The following AGBL4 variants were observed in gnomAD, a reference collection of about 807,000 sequenced individuals.
AGBL4 encodes AGBL carboxypeptidase 4.
Under a neutral mutation model 66.4 loss-of-function variants are expected in AGBL4, and 58 were observed. That is an observed-to-expected ratio of 0.87 (90% CI 0.71 to 1.09). The LOEUF is 1.09. AGBL4 is among the 50% of genes least tolerant of loss of function. The probability of loss-of-function intolerance (pLI) is 0.00; values close to 1 mark genes in which losing one functional copy is unlikely to be tolerated. For synonymous variants in AGBL4, 234 were observed against 222.9 expected (o/e 1.05, Z -0.44); for missense variants, 579 against 631.0 (o/e 0.92, Z 0.88).
At chr1:49,139,710 G>A (rs1375924990) in intron 4 of AGBL4, among the ~76,000 whole-genome samples, 1 of 152,104 alleles carries the variant, frequency 6.6e-6, no homozygotes. Context: ...CAATAATACT[G>A]TTCGTCCTAT....
chr1:49,123,502 G>A (rs768658298), intron 4 of AGBL4, among the ~76,000 whole-genome samples: 2 of 152,162 alleles, frequency 1.3e-5, no homozygotes, highest in Non-Finnish European at 2.9e-5. Context: ...ATCAAGCCAA[G>A]TTTCAAGAGA....
intron 6 of AGBL4, among the ~76,000 whole-genome samples, chr1:48,803,361 T>C (rs1645851437): frequency 6.6e-6 from 1 of 152,204 alleles, no homozygotes; most frequent in South Asian, 2.1e-4. Context: ...AGCTCAAGCT[T>C]ACACCAATCT....
chr1:49,627,875 C>T (rs1558114426), intron 3 of AGBL4, among the ~76,000 whole-genome samples: 1 of 152,124 alleles, frequency 6.6e-6, no homozygotes, highest in Non-Finnish European at 1.5e-5. Flanking sequence ...TACTTATGAC[C>T]TCTGATCCAC....
At chr1:49,389,681 T>C (rs1011017795) in intron 3 of AGBL4, among the ~76,000 whole-genome samples, 16 of 152,066 alleles carry the variant, frequency 1.1e-4, no homozygotes, top group Admixed American at 1.0e-3. Context: ...ACTTCTTGAA[T>C]TGAGAGGAAA....
intron 4 of AGBL4, among the ~76,000 whole-genome samples, chr1:49,194,799 A>T (rs867880238): frequency 6.6e-6 from 1 of 151,494 alleles, no homozygotes; most frequent in South Asian, 2.1e-4. Flanking sequence ...TTTGTAAAGG[A>T]GTATGATCTT....
At chr1:49,398,233 C>T (rs1387570054) in intron 3 of AGBL4, among the ~76,000 whole-genome samples, 1 of 152,092 alleles carries the variant, frequency 6.6e-6, no homozygotes, top group East Asian at 1.9e-4. Flanking sequence ...AGATGTTCTG[C>T]CCTCAGCAAT....
At chr1:49,181,108 T>C (rs1240855598) in intron 4 of AGBL4, among the ~76,000 whole-genome samples, 3 of 152,102 alleles carry the variant, frequency 2.0e-5, no homozygotes, top group African/African-American at 7.2e-5. Flanking sequence ...AGGACATATT[T>C]AGGCTGAGAT....
intron 3 of AGBL4, among the ~76,000 whole-genome samples, chr1:49,647,038 G>A (rs1645903357): frequency 6.7e-6 from 1 of 150,218 alleles, no homozygotes; most frequent in African/African-American, 2.4e-5. Flanking sequence ...ACTCAAAATA[G>A]AACATATACC....
At chr1:49,352,805 G>T (rs562359797) in intron 3 of AGBL4, among the ~76,000 whole-genome samples, 18 of 152,214 alleles carry the variant, frequency 1.2e-4, no homozygotes, top group African/African-American at 3.1e-4. Flanking sequence ...TTATCAATAG[G>T]ACCCATAATA....
At chr1:48,955,287 T>A (rs1183479168) in intron 5 of AGBL4, among the ~76,000 whole-genome samples, 1 of 152,194 alleles carries the variant, frequency 6.6e-6, no homozygotes, top group Non-Finnish European at 1.5e-5. Context: ...TGATAAGTGG[T>A]CACCCTTATG....
chr1:48,733,037 TA>T (rs1233113789), intron 6 of AGBL4, among the ~76,000 whole-genome samples: 1 of 152,082 alleles, frequency 6.6e-6, no homozygotes, highest in African/African-American at 2.4e-5. Flanking sequence ...GAAAACACAT[TA>T]AGCAGAAGGC....
At position 49,714,593 on chromosome 1, in the gene AGBL4, T is replaced by TATATATAC. The variant is rs1491300456; in HGVS notation, c.158-17157_158-17156insGTATATAT. Among the ~76,000 whole-genome samples the TATATATAC allele has an allele frequency of 1.9e-3, 219 of 113,984 alleles. 2 individuals are homozygous for TATATATAC. Among genetic ancestry groups the TATATATAC allele is most frequent in the African/African-American group, 6.5e-3 (207 of 31,704 alleles). The allele number at this position is 113,984 out of a possible 152,430, so 74.8% of individuals were successfully genotyped here. A position where few individuals can be genotyped will look rare whatever the true frequency, so the allele number is the denominator to read the frequency against. ...ACATATATATATATATATATATATA[T>TATATATAC]ACACACACACACATATATATATATC... On this transcript the variant is annotated intron_variant, in intron 2 of 13. Transcript: ENST00000371839.
chr1:48,969,446 T>C (rs1157122404), intron 5 of AGBL4, among the ~76,000 whole-genome samples: 2 of 152,208 alleles, frequency 1.3e-5, no homozygotes, highest in East Asian at 3.8e-4. Flanking sequence ...AATATAGCTA[T>C]GAAATCCTCA....
intron 6 of AGBL4, among the ~76,000 whole-genome samples, chr1:48,851,260 A>C (rs2148809323): frequency 6.6e-6 from 1 of 152,312 alleles, no homozygotes; most frequent in Non-Finnish European, 1.5e-5. Flanking sequence ...GTGGAGAGAA[A>C]GTGGTTAGGT....
At chr1:49,235,949 C>A (rs898072903) in intron 4 of AGBL4, among the ~76,000 whole-genome samples, 1 of 151,988 alleles carries the variant, frequency 6.6e-6, no homozygotes, top group African/African-American at 2.4e-5. Flanking sequence ...TACCCTATTT[C>A]TAGTTGAACA....
intron 5 of AGBL4, among the ~76,000 whole-genome samples, chr1:48,972,145 C>G (rs3127552): frequency 0.41 from 62,560 of 151,956 alleles, 14,728 homozygotes; most frequent in Non-Finnish European, 0.54. Context: ...CTAAACTTAC[C>G]TCACTTCGTA....
At chr1:49,560,427 G>T (rs954975772) in intron 3 of AGBL4, among the ~76,000 whole-genome samples, 2 of 151,682 alleles carry the variant, frequency 1.3e-5, no homozygotes, top group Non-Finnish European at 2.9e-5. Flanking sequence ...AATACACAGA[G>T]TATTAAAAAA....
chr1:48,699,827 CT>C (rs1205264917), intron 6 of AGBL4, among the ~76,000 whole-genome samples: 1 of 152,140 alleles, frequency 6.6e-6, no homozygotes, highest in African/African-American at 2.4e-5. Flanking sequence ...AAAAAAATTA[CT>C]TGCATTCAGG....
chr1:49,915,003 A>C (rs1392243561), intron 1 of AGBL4, among the ~76,000 whole-genome samples: 1 of 152,220 alleles, frequency 6.6e-6, no homozygotes, highest in African/African-American at 2.4e-5. Context: ...AATAGCAATT[A>C]AATTTAAACA....
Sources: allele counts gnomAD v4.1 joint callset (sites outside exome capture counted in the v4.1 genomes callset), GRCh38; gene constraint gnomAD v4.1.1; transcripts MANE v1.5; gene names NCBI Gene and HGNC (gene_info 2026-07-23, HGNC 2026-07-21).